SEMA3A: variants seen among roughly 807,000 people sequenced by gnomAD.
SEMA3A encodes the protein semaphorin-3A.
Under a neutral mutation model 97.9 loss-of-function variants are expected in SEMA3A, and 29 were observed. The observed-to-expected ratio is 0.30, with a 90% confidence interval of 0.22 to 0.40. The LOEUF is 0.40. Ranked by LOEUF, SEMA3A falls within the 10% of genes least tolerant of loss-of-function variation. SEMA3A has a pLI of 1.00. For missense variants in SEMA3A, 763 were observed against 951.3 expected (o/e 0.80, Z 2.60); for synonymous variants, 321 against 323.7 (o/e 0.99, Z 0.09).
At chr7:84,179,609 T>A (rs77933839) in intron 1 of SEMA3A, among the ~76,000 whole-genome samples, 9,531 of 152,178 alleles carry the variant, frequency 0.063, 530 homozygotes, top group East Asian at 0.3. Flanking sequence ...TGTGGTGTAT[T>A]TTCTCCAGCA....
At chr7:84,031,298 G>A (rs374543131) in intron 6 of SEMA3A, among the ~76,000 whole-genome samples, 5 of 152,064 alleles carry the variant, frequency 3.3e-5, no homozygotes, top group African/African-American at 1.2e-4. Context: ...GCCCTGTCCA[G>A]TATTTTTATT....
intron 6 of SEMA3A, among the ~76,000 whole-genome samples, chr7:84,017,910 C>T (rs926029786): frequency 6.6e-6 from 1 of 152,012 alleles, no homozygotes; most frequent in Admixed American, 6.6e-5. Flanking sequence ...TTTATAAATC[C>T]CCAGATTTTT....
intron 1 of SEMA3A, among the ~76,000 whole-genome samples, chr7:84,450,763 G>A (rs1257105920): frequency 6.6e-6 from 1 of 152,114 alleles, no homozygotes; most frequent in Admixed American, 6.5e-5. Flanking sequence ...CCTAATTCGT[G>A]ATGTTGAACA....
chr7:84,136,054 C>T (rs10250194), intron 1 of SEMA3A, among the ~76,000 whole-genome samples: 14,147 of 152,144 alleles, frequency 0.093, 709 homozygotes, highest in Middle Eastern at 0.12. Context: ...GCTCAATGCA[C>T]GCACACATGT....
intron 1 of SEMA3A, among the ~76,000 whole-genome samples, chr7:84,483,129 G>T (rs1046735469): frequency 6.6e-6 from 1 of 152,134 alleles, no homozygotes; most frequent in African/African-American, 2.4e-5. Flanking sequence ...GACATAATGG[G>T]AATAGGCCAT....
At chr7:84,247,324 G>A (rs915928154) in intron 3 of SEMA3A, among the ~76,000 whole-genome samples, 4 of 152,000 alleles carry the variant, frequency 2.6e-5, no homozygotes, top group East Asian at 3.9e-4. Flanking sequence ...ACACATCCAT[G>A]TATTCAACAT....
intron 3 of SEMA3A, among the ~76,000 whole-genome samples, chr7:84,294,119 G>T (rs1800813788): frequency 6.6e-6 from 1 of 151,868 alleles, no homozygotes; most frequent in Admixed American, 6.6e-5. Flanking sequence ...GTATATTTTT[G>T]GAGGGTTTTT....
chr7:84,281,050 G>A (rs1432955486), intron 3 of SEMA3A, among the ~76,000 whole-genome samples: 1 of 152,024 alleles, frequency 6.6e-6, no homozygotes, highest in East Asian at 1.9e-4. Context: ...TATGGATTAT[G>A]TATAATTTCA....
At chr7:84,196,497 T>C (rs143385809), upstream of SEMA3A, among the ~76,000 whole-genome samples, 123 of 152,330 alleles carry the variant, frequency 8.1e-4, no homozygotes, top group African/African-American at 2.9e-3. Flanking sequence ...ATTCTCTCTC[T>C]ACTTCACTAG....
rs1006218269 is a variant in SEMA3A, at chr7:83,957,148, G to C, written c.*4223C>G. The C allele has an allele frequency of 2.6e-5, 4 of 152,082 alleles. No individual in the cohort carries two copies. Among genetic ancestry groups the C allele is most frequent in the Non-Finnish European group, 5.9e-5 (4 of 68,030 alleles). The allele number at this position is 152,082 out of a possible 1,614,324, so 9.4% of individuals were successfully genotyped here. A position where few individuals can be genotyped will look rare whatever the true frequency, so the allele number is the denominator to read the frequency against. ...AATAAATCACACATTGGGGTAGTGTGACAATAAAAGGTATATACAAGGCAC... is the reference window on the plus strand; with the variant it reads ...AATAAATCACACATTGGGGTAGTGTCACAATAAAAGGTATATACAAGGCAC... On this transcript the variant is annotated 3_prime_UTR_variant, in exon 17 of 17. Coordinates refer to ENST00000265362, the MANE Select transcript of SEMA3A (RefSeq NM_006080.3).
chr7:84,465,817 A>G (rs1318621989), intron 1 of SEMA3A, among the ~76,000 whole-genome samples: 4 of 152,154 alleles, frequency 2.6e-5, no homozygotes, highest in African/African-American at 9.7e-5. Flanking sequence ...ACAAGCATCA[A>G]CATTTCTTTG....
At chr7:84,264,128 T>A (rs1213497362) in intron 3 of SEMA3A, among the ~76,000 whole-genome samples, 1 of 152,228 alleles carries the variant, frequency 6.6e-6, no homozygotes, top group East Asian at 1.9e-4. Context: ...TTGTCTTTTT[T>A]ATTTTAATCA....
At chr7:84,116,656 T>C (rs1358770407) in intron 3 of SEMA3A, among the ~76,000 whole-genome samples, 1 of 152,124 alleles carries the variant, frequency 6.6e-6, no homozygotes, top group Non-Finnish European at 1.5e-5. Context: ...CTGGTGTCTC[T>C]ATAAGAAGAA....
At chr7:84,403,123 G>A (rs1347443041) in intron 1 of SEMA3A, among the ~76,000 whole-genome samples, 1 of 152,124 alleles carries the variant, frequency 6.6e-6, no homozygotes, top group African/African-American at 2.4e-5. Flanking sequence ...GAAGCATGAG[G>A]GATCAGGGAA....
At chr7:84,165,544 TTA>T (rs1437927579) in intron 1 of SEMA3A, among the ~76,000 whole-genome samples, 1 of 151,932 alleles carries the variant, frequency 6.6e-6, no homozygotes, top group Admixed American at 6.6e-5. Context: ...GCATAGCTGG[TTA>T]TATATACCAG....
At chr7:84,098,030 C>G (rs1794830134) in intron 4 of SEMA3A, among the ~76,000 whole-genome samples, 1 of 151,934 alleles carries the variant, frequency 6.6e-6, no homozygotes, top group South Asian at 2.1e-4. Context: ...TGAAAAGGCC[C>G]ATTTACATTA....
At chr7:84,188,601 G>C (rs1405844842) in intron 1 of SEMA3A, among the ~76,000 whole-genome samples, 1 of 151,788 alleles carries the variant, frequency 6.6e-6, no homozygotes, top group Admixed American at 6.6e-5. Flanking sequence ...GCCACAGGCA[G>C]GCTACTTCAT....
At chr7:84,152,778 T>G (rs1796717743) in intron 1 of SEMA3A, among the ~76,000 whole-genome samples, 1 of 152,090 alleles carries the variant, frequency 6.6e-6, no homozygotes. Flanking sequence ...TCATAAAATT[T>G]CCAAGATTTT....
At chr7:84,129,501 G>T (rs983558089) in intron 2 of SEMA3A, among the ~76,000 whole-genome samples, 1 of 152,122 alleles carries the variant, frequency 6.6e-6, no homozygotes, top group Non-Finnish European at 1.5e-5. Context: ...GATCTTGAGA[G>T]AACGTGAGAA....
Sources: allele counts gnomAD v4.1 joint callset (sites outside exome capture counted in the v4.1 genomes callset), GRCh38; gene constraint gnomAD v4.1.1; transcripts MANE v1.5; gene names NCBI Gene and HGNC (gene_info 2026-07-23, HGNC 2026-07-21).